The following CEP126 variants were observed in gnomAD, a reference collection of about 807,000 sequenced individuals.
The protein encoded by CEP126 is centrosomal protein of 126 kDa.
A neutral mutation model predicts 107.8 loss-of-function variants in CEP126; 74 were observed. The ratio of observed to expected loss-of-function variants is 0.69; its 90% confidence interval spans 0.57 to 0.83. The LOEUF (loss-of-function observed/expected upper bound fraction) is 0.83, where lower values mean the gene tolerates loss of function less well. Among genes scored for constraint, CEP126 ranks in the 40% least tolerant of loss-of-function variants. The pLI is 0.00. For missense variants in CEP126, 1,237 were observed against 1,281.9 expected (o/e 0.96, Z 0.53); for synonymous variants, 449 against 446.0 (o/e 1.01, Z -0.08).
rs1352611484 is a variant in CEP126 at position 101,963,439 on chromosome 11, C to G, written c.2404C>G (p.Pro802Ala). 3 of 1,614,018 alleles carry G rather than the reference C, an allele frequency of 1.9e-6. No individual in the cohort carries two copies. The East Asian group carries it at 6.7e-5, about 36-fold the overall frequency. Residue 802 changes from proline (P) to alanine (A), a missense_variant, in exon 6 of 11, where the codon CCT becomes GCT. This residue lies in a region of CEP126 where 1,134 missense variants were observed against 1,150.5 expected (regional missense o/e 0.99). Coordinates refer to ENST00000263468, the MANE Select transcript of CEP126 (RefSeq NM_020802.4). ...TCAGGGAAAATTAATTATACCTTGT[C>G]CTCCTCCTCAATCTACATCAAATAT... ...QAQGKLIIPC[P>A]PPQSTSNIRS... is the part of the protein sequence containing the mutation.
At chr11:101,992,734 A>G (rs777732620) in intron 9 of CEP126, 44 bp from the exon 10 acceptor site, 15 of 1,031,072 alleles carry the variant, frequency 1.5e-5, no homozygotes, top group East Asian at 5.7e-5. Flanking sequence ...CTATTTCTAT[A>G]TATGTAACTA....
chr11:101,992,736 A>G (rs749287311), intron 9 of CEP126, 42 bp from the exon 10 acceptor site: 1 of 1,050,860 alleles, frequency 9.5e-7, no homozygotes, highest in South Asian at 1.6e-5. Context: ...ATTTCTATAT[A>G]TGTAACTAAA....
intron 4 of CEP126, among the ~76,000 whole-genome samples, chr11:101,955,069 G>A (rs1386784714): frequency 2.0e-5 from 3 of 152,040 alleles, no homozygotes; most frequent in Non-Finnish European, 4.4e-5. Context: ...TAAGATGTTG[G>A]CAATCTGATC....
At chr11:101,923,911 G>A (rs1439258060) in intron 2 of CEP126, among the ~76,000 whole-genome samples, 1 of 151,976 alleles carries the variant, frequency 6.6e-6, no homozygotes, top group Non-Finnish European at 1.5e-5. Context: ...AGCAGAAAGG[G>A]TAGAAATAAA....
rs1940183710 is a variant in CEP126, at chr11:101,915,380, G to A, written c.96G>A (p.Glu32=). The A allele has an allele frequency of 6.2e-7, 1 of 1,613,646 alleles. No individual in the cohort carries two copies. The highest frequency in any genetic ancestry group is 8.5e-7 in the Non-Finnish European group (1 of 1,179,906). ...ACAGAGCCCCCCTCGGCCCTCGGGA[G>A]AGCGGCGGGCATCACCGACCTGGCT... ...NLDRAPLGPR[E]SGGHHRPGSY... Residue 32 remains glutamate (E), a synonymous_variant, in exon 1 of 11, where the codon GAG becomes GAA. Coordinates refer to ENST00000263468, the MANE Select transcript of CEP126 (RefSeq NM_020802.4).
At position 101,941,666 on chromosome 11, in the gene CEP126, T is replaced by A. The variant is rs11225076; in HGVS notation, c.249-2599T>A. Among the ~76,000 whole-genome samples the A allele has an allele frequency of 7.9e-3, 1,200 of 152,232 alleles. 13 individuals are homozygous for A. The highest frequency in any genetic ancestry group is 0.01 in the Admixed American group (160 of 15,286). On this transcript the variant is annotated intron_variant, in intron 2 of 10. Transcript: ENST00000263468. ...TTGGGATATAGTCCTCAAAGTGAAATTCTTTTATCATATGGTAATTCTATG... is the reference window on the plus strand; with the variant it reads ...TTGGGATATAGTCCTCAAAGTGAAAATCTTTTATCATATGGTAATTCTATG...
chr11:101,925,553 G>A (rs889106671), intron 2 of CEP126, among the ~76,000 whole-genome samples: 9 of 149,570 alleles, frequency 6.0e-5, no homozygotes, highest in Admixed American at 4.7e-4. Context: ...GGTGGATCAC[G>A]AGGTCAGGAG....
intron 4 of CEP126, among the ~76,000 whole-genome samples, chr11:101,951,993 T>C (rs1940819886): frequency 6.6e-6 from 1 of 152,218 alleles, no homozygotes; most frequent in African/African-American, 2.4e-5. Flanking sequence ...TCAGTACTCA[T>C]GTTGGAGGTA....
chr11:101,988,675 T>A (rs1024647555), intron 9 of CEP126, among the ~76,000 whole-genome samples: 12 of 152,064 alleles, frequency 7.9e-5, no homozygotes, highest in Non-Finnish European at 1.8e-4. Flanking sequence ...CTTTCAAATT[T>A]AATACCTTCT....
rs1455966703 is a variant in CEP126 at position 101,999,304 on chromosome 11, A to T, written c.*1661A>T. Reference sequence around the variant, plus strand: ...CCTCAGATGAAAACTCACTTTTATTAAAAAAAAAAAAGACAAGGGTTTATA... The same window carrying T: ...CCTCAGATGAAAACTCACTTTTATTTAAAAAAAAAAAGACAAGGGTTTATA... On this transcript the variant is annotated 3_prime_UTR_variant, in exon 11 of 11. Transcript: ENST00000263468. The T allele has an allele frequency of 1.4e-5, 2 of 142,254 alleles. No individual in the cohort carries two copies. The highest frequency in any genetic ancestry group is 2.0e-4 in the East Asian group (1 of 4,990). 8.8% of individuals were successfully genotyped at this position (142,254 alleles called of 1,614,324 possible).
chr11:101,967,802 G>A (rs1941075115), intron 6 of CEP126, among the ~76,000 whole-genome samples: 1 of 152,150 alleles, frequency 6.6e-6, no homozygotes, highest in Admixed American at 6.5e-5. Context: ...GGTAACAAAA[G>A]TATAGCAGAA....
chr11:101,937,267 T>C (rs539904049), intron 2 of CEP126, among the ~76,000 whole-genome samples: 2 of 152,350 alleles, frequency 1.3e-5, no homozygotes, highest in South Asian at 4.1e-4. Flanking sequence ...AATTTATATG[T>C]TACTGATAAG....
intron 2 of CEP126, among the ~76,000 whole-genome samples, chr11:101,935,942 A>T (rs912663615): frequency 6.6e-6 from 1 of 152,082 alleles, no homozygotes; most frequent in African/African-American, 2.4e-5. Context: ...AACTCTCCTC[A>T]GTTGGGAACC....
At chr11:101,977,437 C>A (rs1941203561) in intron 6 of CEP126, among the ~76,000 whole-genome samples, 1 of 151,790 alleles carries the variant, frequency 6.6e-6, no homozygotes, top group African/African-American at 2.4e-5. Context: ...TCGAAACCAT[C>A]CTGGCCAACA....
rs2137144139 is a variant in CEP126, at chr11:102,000,791, T to C, written c.*3148T>C. 1 of 152,250 alleles carries C rather than the reference T, an allele frequency of 6.6e-6. No individual in the cohort carries two copies. The highest frequency in any genetic ancestry group is 1.5e-5 in the Non-Finnish European group (1 of 68,006). The allele number at this position is 152,250 out of a possible 1,614,324, so 9.4% of individuals were successfully genotyped here. ...ACACATTTCCGAGAGGCAGGGCAAC[T>C]AATAACTGGTCAGAAAAATTTAGAC... On this transcript the variant is annotated 3_prime_UTR_variant, in exon 11 of 11. Coordinates refer to ENST00000263468, the MANE Select transcript of CEP126 (RefSeq NM_020802.4).
intron 6 of CEP126, among the ~76,000 whole-genome samples, chr11:101,965,634 C>T (rs927095100): frequency 2.6e-5 from 4 of 152,088 alleles, no homozygotes; most frequent in South Asian, 2.1e-4. Flanking sequence ...ATGAAGGTAT[C>T]GTACAGATTA....
intron 2 of CEP126, among the ~76,000 whole-genome samples, chr11:101,943,416 G>T (rs1224884817): frequency 1.3e-5 from 2 of 151,892 alleles, no homozygotes; most frequent in East Asian, 3.9e-4. Flanking sequence ...TTCTAAAAGA[G>T]TTCTTACCAA....
chr11:101,990,455 C>T (rs1941365245), intron 9 of CEP126, among the ~76,000 whole-genome samples: 1 of 152,174 alleles, frequency 6.6e-6, no homozygotes, highest in South Asian at 2.1e-4. Flanking sequence ...GCCTCTACCC[C>T]TGGAAGAGGA....
At chr11:101,947,789 A>G (rs1429555578) in intron 3 of CEP126, among the ~76,000 whole-genome samples, 2 of 152,132 alleles carry the variant, frequency 1.3e-5, no homozygotes, top group Admixed American at 6.6e-5. Flanking sequence ...GAGCCCAGAC[A>G]TTTCTCAAAG....
Sources: allele counts gnomAD v4.1 joint callset (sites outside exome capture counted in the v4.1 genomes callset), GRCh38; gene constraint gnomAD v4.1.1; regional missense constraint gnomAD v4.1.1; transcripts MANE v1.5; gene names NCBI Gene and HGNC (gene_info 2026-07-23, HGNC 2026-07-21).